RANBP3: variants seen among roughly 807,000 people sequenced by gnomAD.
The protein encoded by RANBP3 is RAN binding protein 3.
In RANBP3, 14 loss-of-function variants were observed where a neutral mutation model predicts 77.3. That is an observed-to-expected ratio of 0.18 (90% confidence interval 0.12 to 0.28). The LOEUF (loss-of-function observed/expected upper bound fraction) is 0.28. RANBP3 is among the 10% of genes least tolerant of loss of function. RANBP3 has a pLI of 1.00. For synonymous variants in RANBP3, 315 were observed against 312.4 expected (o/e 1.01, Z -0.09); for missense variants, 586 against 752.3 (o/e 0.78, Z 2.59).
At chr19:5,957,450 G>A (rs1051624101) in intron 2 of RANBP3, among the ~76,000 whole-genome samples, 5 of 152,016 alleles carry the variant, frequency 3.3e-5, no homozygotes, top group South Asian at 4.1e-4. Context: ...CTAAATGCAC[G>A]TACGCCCAGC....
At chr19:5,938,206 G>A (rs1396690285) in intron 5 of RANBP3, among the ~76,000 whole-genome samples, 3 of 151,936 alleles carry the variant, frequency 2.0e-5, no homozygotes, top group Non-Finnish European at 2.9e-5. Context: ...TTTTGAAGTC[G>A]GCAATGAATT....
Position 5,917,567 on chromosome 19 carries a change from A to G in RANBP3, c.*43T>C. 1 of 1,534,128 alleles carries G rather than the reference A, an allele frequency of 6.5e-7. No individual in the cohort carries two copies. Among genetic ancestry groups the G allele is most frequent in the South Asian group, 1.2e-5 (1 of 82,412 alleles). On this transcript the variant is annotated 3_prime_UTR_variant, in exon 17 of 17. Coordinates refer to ENST00000340578, the MANE Select transcript of RANBP3 (RefSeq NM_007322.3). ...TGGGGGCGGGTGGGCGGGTGGATAGACGGACAAAGCAGCAGCCTGGTGTGC... is the reference window on the plus strand; with the variant it reads ...TGGGGGCGGGTGGGCGGGTGGATAGGCGGACAAAGCAGCAGCCTGGTGTGC...
At chr19:5,971,888 C>T (rs777574575) in intron 1 of RANBP3, among the ~76,000 whole-genome samples, 10 of 152,192 alleles carry the variant, frequency 6.6e-5, no homozygotes, top group South Asian at 2.1e-4. Context: ...AGTAACATGG[C>T]GGAGACCACA....
intron 3 of RANBP3, among the ~76,000 whole-genome samples, chr19:5,946,446 T>C (rs1159405424): frequency 6.6e-6 from 1 of 152,148 alleles, no homozygotes; most frequent in Non-Finnish European, 1.5e-5. Context: ...TCTAAGAGCC[T>C]GCCTGCAACA....
rs1447865820 is a variant in RANBP3 at position 5,976,848 on chromosome 19, C to T, written c.22+1213G>A. ...CAACACCACACAGAATCAGAATCTG[C>T]AGGGACTGAGCACCCGTGGTCTGGC... On this transcript the variant is annotated intron_variant, in intron 1 of 16. Transcript: ENST00000340578. 2.0e-5 allele frequency among the ~76,000 whole-genome samples: 3 copies of T among 152,250 alleles called. No homozygotes were observed. The East Asian group carries it at 5.8e-4, about 29-fold the overall frequency.
At chr19:5,939,078 G>A (rs372507373) in intron 5 of RANBP3, among the ~76,000 whole-genome samples, 7 of 152,136 alleles carry the variant, frequency 4.6e-5, no homozygotes, top group East Asian at 1.9e-4. Context: ...CCAGCTACTC[G>A]GGAAGCTGAG....
chr19:5,929,734 G>A (rs1479517806), intron 8 of RANBP3, among the ~76,000 whole-genome samples: 3 of 152,180 alleles, frequency 2.0e-5, no homozygotes, highest in African/African-American at 4.8e-5. Flanking sequence ...GTTCATGGGC[G>A]GCTTGGAAAA....
intron 15 of RANBP3, 52 bp downstream of exon 15, chr19:5,918,444 C>A: frequency 1.3e-6 from 2 of 1,509,114 alleles, no homozygotes; most frequent in Non-Finnish European, 1.8e-6. Context: ...CAGGAACCCC[C>A]ACAGGGCTGG....
At position 5,957,950 on chromosome 19, in the gene RANBP3, C is replaced by T. The variant is rs763899206; in HGVS notation, c.46G>A (p.Val16Ile). The part of the protein sequence containing the change: ...NEEKPAIAPP[V>I]FVFQKDKGQK... ...CCTTTATCCTTCTGAAACACAAAGACGGGCGGAGCAATGGCAGGCTTTTCT... is the reference window on the plus strand; with the variant it reads ...CCTTTATCCTTCTGAAACACAAAGATGGGCGGAGCAATGGCAGGCTTTTCT... Residue 16 changes from valine (V) to isoleucine (I), a missense_variant, in exon 2 of 17, where the codon GTC (valine) becomes ATC (isoleucine). Physicochemically the swap from Val to Ile is conservative, Grantham distance 29 (BLOSUM62 3). Transcript: ENST00000340578. The T allele has an allele frequency of 2.7e-5, 43 of 1,614,024 alleles. No homozygotes were observed. Among genetic ancestry groups the T allele is most frequent in the South Asian group, 3.3e-5 (3 of 91,080 alleles).
chr19:5,925,899 G>A lies in RANBP3; in HGVS notation c.814-162C>T, dbSNP rs1599727101. The A allele has an allele frequency of 4.9e-6, 3 of 618,078 alleles. 1 individual carries two copies. Among genetic ancestry groups the A allele is most frequent in the South Asian group, 3.7e-5 (2 of 54,016 alleles). 38.3% of individuals were successfully genotyped at this position (618,078 alleles called of 1,614,324 possible). On this transcript the variant is annotated intron_variant, in intron 9 of 16. Transcript: ENST00000340578. ...TGCGCGTGCATGTGCTGGGGGGCAG[G>A]GCTATAATCAACTCCATCACCTTTT...
rs796630928 is a variant in RANBP3, at chr19:5,941,157, C to T, written c.406+464G>A. Among the ~76,000 whole-genome samples the T allele has an allele frequency of 1.2e-4, 18 of 152,272 alleles. No individual in the cohort carries two copies. The South Asian group carries it at 2.7e-3, about 23-fold the overall frequency. ...TGGGGCCTCCTGGCTTGCTGGTTAC[C>T]GTGTGTGTGTGCATGCTTGTGTGTA... On this transcript the variant is annotated intron_variant, in intron 5 of 16. Transcript: ENST00000340578.
intron 5 of RANBP3, among the ~76,000 whole-genome samples, chr19:5,936,589 C>A (rs1352016301): frequency 6.6e-6 from 1 of 152,190 alleles, no homozygotes; most frequent in Non-Finnish European, 1.5e-5. Context: ...CCCTGAAGAA[C>A]CAGCGTGCCT....
chr19:5,961,928 T>C (rs960546312), intron 1 of RANBP3, among the ~76,000 whole-genome samples: 16 of 151,662 alleles, frequency 1.1e-4, no homozygotes, highest in African/African-American at 3.9e-4. Flanking sequence ...TTAGTCCCAC[T>C]ACCAAGAGCG....
In RANBP3 at chr19:5,917,227, T is replaced by G. The variant is rs1402074159; in HGVS notation, c.*383A>C. 5 of 313,280 alleles carry G rather than the reference T, an allele frequency of 1.6e-5. No homozygotes were observed. The highest frequency in any genetic ancestry group is 2.5e-5 in the Non-Finnish European group (4 of 162,572). The allele number at this position is 313,280 out of a possible 1,614,324, so 19.4% of individuals were successfully genotyped here. ...ACAAAGGCAGGGCCCCACAGCAGGG[T>G]GGGAAGGGTGTGGGTGGCGGAGAAG... On this transcript the variant is annotated 3_prime_UTR_variant, in exon 17 of 17. Transcript: ENST00000340578.
At chr19:5,918,433 C>G in intron 15 of RANBP3, 63 bp downstream of exon 15, 1 of 1,182,330 alleles carries the variant, frequency 8.5e-7, no homozygotes, top group Non-Finnish European at 1.1e-6. Context: ...ATCTGTGTGC[C>G]CAGGAACCCC....
At chr19:5,949,919 T>C (rs1176604398) in intron 3 of RANBP3, among the ~76,000 whole-genome samples, 10 of 152,172 alleles carry the variant, frequency 6.6e-5, no homozygotes, top group Non-Finnish European at 1.5e-4. Flanking sequence ...TGTTTGCTAC[T>C]CTCATTCTAG....
chr19:5,965,370 A>G (rs1380207547), intron 1 of RANBP3, among the ~76,000 whole-genome samples: 1 of 152,148 alleles, frequency 6.6e-6, no homozygotes, highest in East Asian at 1.9e-4. Flanking sequence ...CACATGTGAG[A>G]GTTAAATAGC....
chr19:5,919,586 C>T (rs570791990), intron 14 of RANBP3, among the ~76,000 whole-genome samples: 10 of 152,108 alleles, frequency 6.6e-5, no homozygotes, highest in Non-Finnish European at 1.2e-4. Context: ...TTCCACGAGA[C>T]AAAAGGAAAA....
rs116302592 is a variant in RANBP3, at chr19:5,978,133, T to C, written c.-51A>G. ...GGCCCCGCGCCGGCCCAGGCTCGCC[T>C]GCTTTCTGCCAGAAACTCCCGCGCG... On this transcript the variant is annotated 5_prime_UTR_variant, in exon 1 of 17. Transcript: ENST00000340578. 3.3e-3 allele frequency: 5,172 copies of C among 1,588,118 alleles called. 157 individuals carry two copies. In the African/African-American group the frequency reaches 0.064, roughly 20 times the overall value.
Sources: gnomAD v4.1 joint callset for allele counts (sites outside exome capture counted in the v4.1 genomes callset) on GRCh38, gnomAD v4.1.1 for gene constraint, MANE v1.5 for transcripts, NCBI Gene and HGNC (gene_info 2026-07-23, HGNC 2026-07-21) for gene names.